SLC46A2: variants seen among roughly 807,000 people sequenced by gnomAD.
SLC46A2 encodes solute carrier family 46 member 2.
A neutral mutation model predicts 33.1 loss-of-function variants in SLC46A2; 25 were observed. The ratio of observed to expected loss-of-function variants is 0.76; its 90% CI spans 0.55 to 1.06. The LOEUF (loss-of-function observed/expected upper bound fraction) is 1.06. Among genes scored for constraint, SLC46A2 ranks in the 50% least tolerant of loss-of-function variants. The pLI, the probability that SLC46A2 is intolerant of heterozygous loss-of-function variation, is 0.00. For synonymous variants in SLC46A2, 254 were observed against 275.9 expected, an observed-to-expected ratio of 0.92 and a Z score of 0.79; for missense variants, 622 against 621.7, an observed-to-expected ratio of 1.00 and a Z score of 0.00.
Position 112,889,774 on chromosome 9 carries a change from A to G in SLC46A2, c.908T>C (p.Val303Ala), listed in dbSNP as rs1289065776. ...CTCCCTCAGCACAAAAAGAGGGATC[A>G]CGTCCACTGTGCCCACCACCGCCAG... ...YDLAVVGTVD[V>A]IPLFVLREPL... The change falls in exon 1 of 4, where the codon GTG (valine) becomes GCG (alanine). Residue 303 changes from valine to alanine, a missense_variant. Coordinates refer to ENST00000374228, the MANE Select transcript of SLC46A2 (RefSeq NM_033051.4). 6.2e-7 allele frequency: 1 copy of G among 1,614,140 alleles called. No homozygotes were observed. The highest frequency in any genetic ancestry group is 1.1e-5 in the South Asian group (1 of 91,074).
At position 112,886,607 on chromosome 9, in the gene SLC46A2, A is replaced by C; in HGVS notation, c.1223T>G (p.Phe408Cys). 6.2e-7 allele frequency: 1 copy of C among 1,613,928 alleles called. No individual in the cohort carries two copies. Among genetic ancestry groups the C allele is most frequent in the Non-Finnish European group, 8.5e-7 (1 of 1,179,902 alleles). ...AGCCAAGGACAGCTGCAGTATGACG[A>C]ACACCTTTCCTGTGGAAGGGACAGA... ...LIKGSSYGKV[F>C]VILQLSLALT... Residue 408 changes from phenylalanine (F) to cysteine (C), a missense_variant, in exon 3 of 4, where the codon TTC (phenylalanine) becomes TGC (cysteine). Transcript: ENST00000374228.
intron 2 of SLC46A2, 42 bp from the exon 3 acceptor site, chr9:112,886,658 C>T: frequency 6.2e-7 from 1 of 1,608,692 alleles, no homozygotes. Flanking sequence ...CCTTGCTGTC[C>T]CTGCCTCACT....
intron 2 of SLC46A2, 93 bp from the exon 3 acceptor site, chr9:112,886,709 T>C (rs1239202776): frequency 4.6e-6 from 6 of 1,291,702 alleles, no homozygotes; most frequent in Non-Finnish European, 6.5e-6. Flanking sequence ...AGGGGACCCT[T>C]CCTTCTTACT....
chr9:112,879,670 G>A lies in SLC46A2; in HGVS notation c.*92C>T. The A allele has an allele frequency of 1.7e-6, 2 of 1,201,040 alleles. No homozygotes were observed. The highest frequency in any genetic ancestry group is 2.4e-6 in the Non-Finnish European group (2 of 820,520). The allele number at this position is 1,201,040 out of a possible 1,614,324, so 74.4% of individuals were successfully genotyped here. On this transcript the variant is annotated 3_prime_UTR_variant, in exon 4 of 4. Transcript: ENST00000374228. ...TGGAACGCAGGTTTCTTAAGCAGTG[G>A]GTTGCTTAGGTCACCAGTTCCCTGG...
At position 112,886,534 on chromosome 9, in the gene SLC46A2, G is replaced by A. The variant is rs1384383691; in HGVS notation, c.1296C>T (p.Leu432=). Residue 432 remains leucine, a synonymous_variant, in exon 3 of 4, where the codon CTC becomes CTT. Transcript: ENST00000374228. ...AGGAGCCCACAAACATGTCCATGGT[G>A]AGCTGGTAGATCTTGTTGTACAAGG... ...TSTLYNKIYQ[L]TMDMFVGSCF... is the part of the protein sequence containing the mutation. The A allele has an allele frequency of 6.2e-7, 1 of 1,614,182 alleles. No individual in the cohort carries two copies. The highest frequency in any genetic ancestry group is 2.2e-5 in the East Asian group (1 of 44,878).
chr9:112,890,387 G>C lies in SLC46A2; in HGVS notation c.295C>G (p.Leu99Val), dbSNP rs774972082. 9.9e-6 allele frequency: 16 copies of C among 1,614,152 alleles called. No homozygotes were observed. The Admixed American group carries it at 2.7e-4, about 27-fold the overall frequency. The change falls in exon 1 of 4, where the codon CTC (leucine) becomes GTC (valine). Residue 99 changes from leucine (L) to valine (V), a missense_variant. Physicochemically the swap from Leu to Val is conservative, Grantham distance 32. Coordinates refer to ENST00000374228, the MANE Select transcript of SLC46A2 (RefSeq NM_033051.4). The surrounding 1 kb of genome is among the most constrained non-coding windows in gnomAD (Gnocchi z 6.0). ...ATCTTTCGGTGGTAGCGGTCGCTGAGCCATCCCAGCCCGTAGGCGGACAGC... is the reference window on the plus strand; with the variant it reads ...ATCTTTCGGTGGTAGCGGTCGCTGACCCATCCCAGCCCGTAGGCGGACAGC... ...PLLSAYGLGW[L>V]SDRYHRKISI...
rs1841705480 is a variant in SLC46A2, at chr9:112,890,019, G to T, written c.663C>A (p.Leu221=). Residue 221 remains leucine (L), a synonymous_variant, in exon 1 of 4, where the codon CTC becomes CTA. Coordinates refer to ENST00000374228, the MANE Select transcript of SLC46A2 (RefSeq NM_033051.4). The surrounding 1 kb of genome is among the most constrained non-coding windows in gnomAD (Gnocchi z 6.0). ...GGACCTTTAGCACCAAAAGGCTGTA[G>T]AGCAGGGCAAACGAGGCACAGCTCA... ...CSVSCASFAL[L]YSLLVLKVPE... is the part of the protein sequence containing the mutation. 6.2e-7 allele frequency: 1 copy of T among 1,613,974 alleles called. No homozygotes were observed. The highest frequency in any genetic ancestry group is 1.1e-5 in the South Asian group (1 of 91,086).
Position 112,890,724 on chromosome 9 carries a change from G to A in SLC46A2, c.-43C>T, listed in dbSNP as rs370577663. 19 of 1,557,690 alleles carry A rather than the reference G, an allele frequency of 1.2e-5. No individual in the cohort carries two copies. The African/African-American group carries it at 2.3e-4, about 19-fold the overall frequency. On this transcript the variant is annotated 5_prime_UTR_variant, in exon 1 of 4. Transcript: ENST00000374228. This position sits in a 1 kb window ranked among gnomAD's most constrained non-coding sequence, Gnocchi z 6.0. The stretch of plus-strand genomic sequence containing the variant: ...GATCGAAGGGCTTTCTGGCTGCAGT[G>A]ACAAGGATATGCTCCCAAATTCGGC...
rs753623281 is a variant in SLC46A2 at position 112,887,430 on chromosome 9, A to T, written c.1130-17T>A. 5.4e-5 allele frequency: 86 copies of T among 1,596,608 alleles called. No homozygotes were observed. The highest frequency in any genetic ancestry group is 7.2e-5 in the Non-Finnish European group (84 of 1,173,332). ...CGGCTCGAGCTGAAAGAGATCACAC[A>T]AGAACACTCCTTGCTGTAGCCCAGC... is the stretch of plus-strand genomic sequence containing the variant. On this transcript the variant is annotated splice_polypyrimidine_tract_variant and intron_variant, in intron 1 of 3. Coordinates refer to ENST00000374228, the MANE Select transcript of SLC46A2 (RefSeq NM_033051.4).
rs1841552854 is a variant in SLC46A2 at position 112,879,576 on chromosome 9, G to A, written c.*186C>T. 1.8e-5 allele frequency: 10 copies of A among 556,460 alleles called. No homozygotes were observed. In the South Asian group the frequency reaches 2.0e-4, roughly 11 times the overall value. 34.5% of individuals were successfully genotyped at this position (556,460 alleles called of 1,614,324 possible). A position where few individuals can be genotyped will look rare whatever the true frequency, so the allele number is the denominator to read the frequency against. Reference sequence around the variant, plus strand: ...AGCTGAGAACGTTTTTCCATCACCAGGAAAGTGCTTTTCCCCATCCACCAG... The same window carrying A: ...AGCTGAGAACGTTTTTCCATCACCAAGAAAGTGCTTTTCCCCATCCACCAG... On this transcript the variant is annotated 3_prime_UTR_variant, in exon 4 of 4. Coordinates refer to ENST00000374228, the MANE Select transcript of SLC46A2 (RefSeq NM_033051.4).
In SLC46A2 at chr9:112,889,633, A is replaced by G. The variant is rs754025994; in HGVS notation, c.1049T>C (p.Met350Thr). Reference protein sequence around the residue: ...VFSRCFRDTTMIMIGMVSFGS... With the variant: ...VFSRCFRDTTTIMIGMVSFGS... ...AAAGGAGACCATCCCAATCATGATC[A>G]TGGTGGTGTCCCGAAAGCAGCGGGA... The change falls in exon 1 of 4, where the codon ATG (methionine) becomes ACG (threonine). Residue 350 changes from methionine (M) to threonine (T), a missense_variant. Met to Thr is a moderately conservative substitution (Grantham distance 81). Transcript: ENST00000374228. The G allele has an allele frequency of 2.2e-5, 36 of 1,614,044 alleles. No homozygotes were observed. Among genetic ancestry groups the G allele is most frequent in the African/African-American group, 2.7e-5 (2 of 74,918 alleles).
chr9:112,881,896 C>T (rs911741072), intron 3 of SLC46A2, among the ~76,000 whole-genome samples: 5 of 152,072 alleles, frequency 3.3e-5, no homozygotes, highest in African/African-American at 1.2e-4. Context: ...GGAAAATTCT[C>T]TTTGAGAAAA....
chr9:112,884,158 A>G (rs1044488928), intron 3 of SLC46A2, among the ~76,000 whole-genome samples: 2 of 152,220 alleles, frequency 1.3e-5, no homozygotes, highest in African/African-American at 4.8e-5. Flanking sequence ...CGGTGGCATG[A>G]AATCGGCTCA....
In SLC46A2 at chr9:112,889,783, G is replaced by C. The variant is rs370687401; in HGVS notation, c.899C>G (p.Thr300Arg). ...CACAAAAAGAGGGATCACGTCCACTGTGCCCACCACCGCCAGGTCATATAT... is the reference window on the plus strand; with the variant it reads ...CACAAAAAGAGGGATCACGTCCACTCTGCCCACCACCGCCAGGTCATATAT... ...AIIYDLAVVG[T>R]VDVIPLFVLR... Residue 300 changes from threonine (T) to arginine (R), a missense_variant, in exon 1 of 4, where the codon ACA becomes AGA. Physicochemically the swap from Thr to Arg is moderately conservative, Grantham distance 71. Transcript: ENST00000374228. The C allele has an allele frequency of 1.2e-6, 2 of 1,614,150 alleles. No homozygotes were observed. Among genetic ancestry groups the C allele is most frequent in the Non-Finnish European group, 1.7e-6 (2 of 1,180,030 alleles).
In SLC46A2 at chr9:112,890,657, G is replaced by A. The variant is rs758759696; in HGVS notation, c.25C>T (p.Arg9Trp). 1 of 1,598,454 alleles carries A rather than the reference G, an allele frequency of 6.3e-7. No homozygotes were observed. Among genetic ancestry groups the A allele is most frequent in the Non-Finnish European group, 8.5e-7 (1 of 1,179,446 alleles). MSPEVTCP[R>W]RGHLPRFHPR... ...TGGAAGCGAGGCAGGTGGCCCCTCC[G>A]CGGGCAGGTGACCTCGGGGCTCATG... The change falls in exon 1 of 4, where the codon CGG becomes TGG. Residue 9 changes from arginine (R) to tryptophan (W), a missense_variant. Transcript: ENST00000374228. The surrounding 1 kb of genome is among the most constrained non-coding windows in gnomAD (Gnocchi z 6.0).
chr9:112,888,879 T>TATG (rs1841681705), intron 1 of SLC46A2, among the ~76,000 whole-genome samples: 1 of 143,506 alleles, frequency 7.0e-6, no homozygotes, highest in African/African-American at 2.7e-5. Context: ...CCACGTTTTT[T>TATG]TTTTTTTGTT....
chr9:112,887,561 G>A, intron 1 of SLC46A2, 148 bp from the exon 2 acceptor site: 1 of 661,228 alleles, frequency 1.5e-6, no homozygotes, highest in Non-Finnish European at 2.5e-6. Flanking sequence ...TGGCACACTA[G>A]CGCCCTCCCT....
intron 1 of SLC46A2, among the ~76,000 whole-genome samples, chr9:112,888,852 C>T (rs1262600247): frequency 6.8e-6 from 1 of 147,526 alleles, no homozygotes. Context: ...AGTAGAATTA[C>T]TTGAAATTCC....
intron 3 of SLC46A2, among the ~76,000 whole-genome samples, chr9:112,884,249 G>T (rs1006891477): frequency 6.6e-6 from 1 of 152,222 alleles, no homozygotes; most frequent in African/African-American, 2.4e-5. Context: ...CGAGGAAGGG[G>T]ATGCTGACTG....
Sources: gnomAD v4.1 joint callset for allele counts (sites outside exome capture counted in the v4.1 genomes callset) on GRCh38, gnomAD v4.1.1 for gene constraint, Gnocchi (gnomAD v3.1) non-coding constraint, MANE v1.5 for transcripts, NCBI Gene and HGNC (gene_info 2026-07-23, HGNC 2026-07-21) for gene names.